Variants in FAM186A observed in about 807,000 individuals in gnomAD.
The protein encoded by FAM186A is protein FAM186A.
A neutral mutation model predicts 216.8 loss-of-function variants in FAM186A; 163 were observed. That is an observed-to-expected ratio of 0.75 (90% CI 0.66 to 0.86). The LOEUF (loss-of-function observed/expected upper bound fraction) is 0.86, where lower values mean the gene tolerates loss of function less well. FAM186A is among the 40% of genes least tolerant of loss of function. The probability of loss-of-function intolerance (pLI) is 0.00; values close to 1 mark genes in which losing one functional copy is unlikely to be tolerated. For synonymous variants in FAM186A, 805 were observed against 1,025.3 expected (o/e 0.79, Z 4.10); for missense variants, 2,184 against 2,746.2 (o/e 0.80, Z 4.58).
chr12:50,370,903 G>A (rs1592624527), intron 1 of FAM186A, among the ~76,000 whole-genome samples: 1 of 151,764 alleles, frequency 6.6e-6, no homozygotes, highest in Non-Finnish European at 1.5e-5. Context: ...TTGAGACCAC[G>A]CTGGCCAACA....
chr12:50,391,661 A>C (rs1943358540), intron 1 of FAM186A, among the ~76,000 whole-genome samples: 1 of 152,068 alleles, frequency 6.6e-6, no homozygotes, highest in African/African-American at 2.4e-5. Flanking sequence ...CCTAGGCTGG[A>C]GTGCAGTGGC....
At chr12:50,349,634 G>A (rs541171852) in intron 4 of FAM186A, among the ~76,000 whole-genome samples, 1 of 107,244 alleles carries the variant, frequency 9.3e-6, no homozygotes, top group East Asian at 2.7e-4. Context: ...TGTTGCAAAT[G>A]GCAGGATCTC....
At chr12:50,390,470 T>A (rs1943347278) in intron 1 of FAM186A, among the ~76,000 whole-genome samples, 1 of 152,170 alleles carries the variant, frequency 6.6e-6, no homozygotes, top group African/African-American at 2.4e-5. Flanking sequence ...TTCCTACTTG[T>A]TCAGATTAAG....
chr12:50,361,893 C>T (rs1943039485), intron 2 of FAM186A, among the ~76,000 whole-genome samples: 2 of 151,354 alleles, frequency 1.3e-5, no homozygotes, highest in South Asian at 2.1e-4. Flanking sequence ...TTCTAACCCT[C>T]GCTGCATGAA....
Position 50,367,345 on chromosome 12 carries a change from C to T in FAM186A, c.193-3981G>A, listed in dbSNP as rs368921861. Among the ~76,000 whole-genome samples, 10 of 151,568 alleles carry T rather than the reference C, an allele frequency of 6.6e-5. 1 individual carries two copies. In the East Asian group the frequency reaches 1.2e-3, roughly 18 times the overall value. On this transcript the variant is annotated intron_variant, in intron 1 of 7. Coordinates refer to ENST00000327337, the MANE Select transcript of FAM186A (RefSeq NM_001145475.3). The stretch of plus-strand genomic sequence containing the variant: ...CATCCTGGCTAACACTGTGAAACCC[C>T]GTCTCTACTAAAAATACAAAAAAAT...
intron 1 of FAM186A, among the ~76,000 whole-genome samples, chr12:50,383,266 AAAAAAAAAAAAAAGAG>A (rs891665092): frequency 3.5e-5 from 3 of 85,056 alleles, no homozygotes; most frequent in African/African-American, 8.5e-5. Context: ...AAAAAAAAAA[AAAAAAAAAAAAAAGAG>A]AGAGAGAGAG....
chr12:50,331,970 G>GCAT (rs1784328641), intron 5 of FAM186A, 149 bp from the exon 6 acceptor site: 4 of 650,558 alleles, frequency 6.1e-6, no homozygotes, highest in Admixed American at 3.6e-5. Flanking sequence ...CCTCCAACAT[G>GCAT]CATCATTTTA....
In FAM186A at chr12:50,330,667, A is replaced by C; in HGVS notation, c.6940T>G (p.Trp2314Gly). ...TCTGGGTACCCACCCAGCTGGGCCC[A>C]GAGTGAATGCATAGATGTCTTCTCT... Reference protein sequence around the residue: ...IAEKTSMHSLWAQLGGYPDIP... With the variant: ...IAEKTSMHSLGAQLGGYPDIP... The change falls in exon 7 of 8, where the codon TGG becomes GGG. Residue 2314 changes from tryptophan (W) to glycine (G), a missense_variant. Physicochemically the swap from Trp to Gly is radical, Grantham distance 184. Around this residue, in one of 7 missense-constraint regions of FAM186A, gnomAD observed 721 missense variants for 816.4 expected, o/e 0.88. Coordinates refer to ENST00000327337, the MANE Select transcript of FAM186A (RefSeq NM_001145475.3). 6.4e-7 allele frequency: 1 copy of C among 1,550,740 alleles called. No individual in the cohort carries two copies. Among genetic ancestry groups the C allele is most frequent in the Non-Finnish European group, 8.7e-7 (1 of 1,146,612 alleles).
At chr12:50,388,358 C>G (rs1284203109) in intron 1 of FAM186A, among the ~76,000 whole-genome samples, 4 of 152,200 alleles carry the variant, frequency 2.6e-5, no homozygotes, top group Non-Finnish European at 5.9e-5. Flanking sequence ...GTGGCTCACA[C>G]CTGTAATCGC....
Position 50,350,967 on chromosome 12 carries a change from T to C in FAM186A, c.5865A>G (p.Arg1955=). The C allele has an allele frequency of 6.4e-7, 1 of 1,551,454 alleles. No individual in the cohort carries two copies. The highest frequency in any genetic ancestry group is 8.7e-7 in the Non-Finnish European group (1 of 1,146,934). The change falls in exon 4 of 8, where the codon AGA becomes AGG. Residue 1955 remains arginine (R), a synonymous_variant. Coordinates refer to ENST00000327337, the MANE Select transcript of FAM186A (RefSeq NM_001145475.3). ...KSWSPSVAKK[R]LAIISSLKSK... ...ATTTCAGAGAAGAAATAATTGCCAA[T>C]CTTTTCTTAGCAACAGAAGGGGACC...
At chr12:50,372,707 C>G (rs919278041) in intron 1 of FAM186A, among the ~76,000 whole-genome samples, 5 of 151,000 alleles carry the variant, frequency 3.3e-5, no homozygotes, top group African/African-American at 7.3e-5. Flanking sequence ...TGGAGACTGA[C>G]CTGCCCAAGA....
intron 1 of FAM186A, among the ~76,000 whole-genome samples, chr12:50,394,732 C>CTTTTTTTTTTTTTTTTT (rs71083561): frequency 0.011 from 318 of 29,406 alleles, 58 homozygotes; most frequent in Non-Finnish European, 0.012. Context: ...GGCTAACACT[C>CTTTTTTTTTTTTTTTTT]TTTTTTTTTT....
intron 4 of FAM186A, among the ~76,000 whole-genome samples, chr12:50,346,220 G>GA (rs1555215373): frequency 0.01 from 470 of 46,574 alleles, 10 homozygotes; most frequent in Middle Eastern, 0.094. Context: ...AGAGAGAGAA[G>GA]GAAAGAAAGA....
At chr12:50,394,510 C>T (rs1306718469) in intron 1 of FAM186A, among the ~76,000 whole-genome samples, 3 of 151,798 alleles carry the variant, frequency 2.0e-5, no homozygotes, top group South Asian at 2.1e-4. Flanking sequence ...GCCAAGATCG[C>T]GCCACTGCAC....
At chr12:50,358,922 CAA>C (rs71441361) in intron 3 of FAM186A, among the ~76,000 whole-genome samples, 4 of 118,724 alleles carry the variant, frequency 3.4e-5, no homozygotes, top group Admixed American at 8.7e-5. Flanking sequence ...GACTCTGTCT[CAA>C]AAAAAAAAAA....
intron 2 of FAM186A, 140 bp downstream of exon 2, chr12:50,363,005 A>G (rs1943050962): frequency 1.4e-6 from 1 of 711,480 alleles, no homozygotes; most frequent in Non-Finnish European, 2.2e-6. Flanking sequence ...TCCTACTGGA[A>G]TAGAGGATAA....
chr12:50,376,273 C>T lies in FAM186A; in HGVS notation c.193-12909G>A, dbSNP rs572184643. Among the ~76,000 whole-genome samples, 12 of 152,228 alleles carry T rather than the reference C, an allele frequency of 7.9e-5. No homozygotes were observed. In the South Asian group the frequency reaches 2.5e-3, roughly 32 times the overall value. On this transcript the variant is annotated intron_variant, in intron 1 of 7. Coordinates refer to ENST00000327337, the MANE Select transcript of FAM186A (RefSeq NM_001145475.3). The stretch of plus-strand genomic sequence containing the variant: ...CTCTTTTAGCTCCTGCTGTTCAGTC[C>T]CAAGTTCCTGTCTCATGTCTAGGAA...
At position 50,356,264 on chromosome 12, in the gene FAM186A, T is replaced by C. The variant is rs1302651372; in HGVS notation, c.584-16A>G. 4.7e-6 allele frequency: 7 copies of C among 1,503,080 alleles called. No homozygotes were observed. Among genetic ancestry groups the C allele is most frequent in the Non-Finnish European group, 6.2e-6 (7 of 1,129,372 alleles). 93.1% of individuals were successfully genotyped at this position (1,503,080 alleles called of 1,614,324 possible). ...CCTCTAGATACTGAAGAACAAAACA[T>C]AAAACAGTGAGATGGCATTTTTTTC... On this transcript the variant is annotated splice_polypyrimidine_tract_variant and intron_variant, in intron 3 of 7. Coordinates refer to ENST00000327337, the MANE Select transcript of FAM186A (RefSeq NM_001145475.3).
rs1413325459 is a variant in FAM186A at position 50,392,656 on chromosome 12, T to G, written c.192+3637A>C. 2.7e-5 allele frequency: 4 copies of G among 149,446 alleles called. No homozygotes were observed. In the Admixed American group the frequency reaches 2.7e-4, roughly 10 times the overall value. The allele number at this position is 149,446 out of a possible 1,614,324, so 9.3% of individuals were successfully genotyped here. A position where few individuals can be genotyped will look rare whatever the true frequency, so the allele number is the denominator to read the frequency against. ...GCTCTATTCCCAGGCTGGAGTGCAATGGCGCTGTCTTGACTCACTGCAACC... is the reference window on the plus strand; with the variant it reads ...GCTCTATTCCCAGGCTGGAGTGCAAGGGCGCTGTCTTGACTCACTGCAACC... On this transcript the variant is annotated intron_variant, in intron 1 of 7. Coordinates refer to ENST00000327337, the MANE Select transcript of FAM186A (RefSeq NM_001145475.3).
Sources: allele counts gnomAD v4.1 joint callset (sites outside exome capture counted in the v4.1 genomes callset), GRCh38; gene constraint gnomAD v4.1.1; regional missense constraint gnomAD v4.1.1; transcripts MANE v1.5; gene names NCBI Gene and HGNC (gene_info 2026-07-23, HGNC 2026-07-21).